ARSB: variants seen among roughly 807,000 people sequenced by gnomAD.
ARSB encodes arylsulfatase B, also known as N-acetylgalactosamine-4-sulfatase.
ARSB carries 41 observed loss-of-function variants against 50.9 expected under a neutral mutation model. The ratio of observed to expected loss-of-function variants is 0.81; its 90% CI spans 0.63 to 1.04. The LOEUF (loss-of-function observed/expected upper bound fraction) is 1.04. Ranked by LOEUF, ARSB falls within the 50% of genes least tolerant of loss-of-function variation. The pLI, the probability that ARSB is intolerant of heterozygous loss-of-function variation, is 0.00. For synonymous variants in ARSB, 269 were observed against 284.8 expected, an observed-to-expected ratio of 0.94 and a Z score of 0.56; for missense variants, 672 against 693.3, an observed-to-expected ratio of 0.97 and a Z score of 0.35.
chr5:78,943,198 G>C (rs370585903), intron 4 of ARSB, among the ~76,000 whole-genome samples: 6 of 152,178 alleles, frequency 3.9e-5, no homozygotes, highest in East Asian at 3.8e-4. Context: ...TGCATCTCCT[G>C]AATACAGCAT....
chr5:78,814,606 T>C (rs564472233), intron 6 of ARSB, among the ~76,000 whole-genome samples: 1 of 150,926 alleles, frequency 6.6e-6, no homozygotes, highest in South Asian at 2.1e-4. Context: ...ATGTCACTGG[T>C]TCATCATTTT....
intron 6 of ARSB, chr5:78,816,931 T>G: frequency 4.1e-6 from 1 of 244,440 alleles, no homozygotes; most frequent in Non-Finnish European, 6.6e-6. Flanking sequence ...TTCAGCCCTC[T>G]GAGACCCTAA....
chr5:78,802,694 G>A (rs544142470), intron 6 of ARSB, among the ~76,000 whole-genome samples: 1 of 152,298 alleles, frequency 6.6e-6, no homozygotes, highest in Non-Finnish European at 1.5e-5. Flanking sequence ...AGAATGAAGA[G>A]CACTCAAGTT....
chr5:78,944,849 T>C (rs1399316604), intron 4 of ARSB, among the ~76,000 whole-genome samples: 1 of 152,182 alleles, frequency 6.6e-6, no homozygotes, highest in Non-Finnish European at 1.5e-5. Context: ...CTGCTGCCTT[T>C]TGTTCAGCTA....
intron 4 of ARSB, among the ~76,000 whole-genome samples, chr5:78,945,288 C>T (rs1751166144): frequency 6.6e-6 from 1 of 152,202 alleles, no homozygotes; most frequent in Non-Finnish European, 1.5e-5. Flanking sequence ...CATTGTCCTG[C>T]ACCCACTGTC....
chr5:78,905,344 G>GGTTTTTTTT (rs764047687), intron 4 of ARSB, among the ~76,000 whole-genome samples: 8 of 130,544 alleles, frequency 6.1e-5, no homozygotes, highest in Non-Finnish European at 1.1e-4. Context: ...GTATTTTCCT[G>GGTTTTTTTT]TTTTTTTTTT....
intron 4 of ARSB, among the ~76,000 whole-genome samples, chr5:78,926,363 T>C (rs1437450234): frequency 6.6e-6 from 1 of 152,150 alleles, no homozygotes; most frequent in Non-Finnish European, 1.5e-5. Context: ...GGTATGATCG[T>C]GGTTCCTGTC....
At position 78,964,596 on chromosome 5, in the gene ARSB, C is replaced by G. The variant is rs768312895; in HGVS notation, c.510G>C (p.Leu170=). The G allele has an allele frequency of 3.7e-5, 59 of 1,613,242 alleles. No individual in the cohort carries two copies. The highest frequency in any genetic ancestry group is 1.7e-5 in the Admixed American group (1 of 59,992). ...CATGGGAATAATAATCTTCACTACCCAGGAGATATCCTGCAAGAATGGAAG... is the reference window on the plus strand; with the variant it reads ...CATGGGAATAATAATCTTCACTACCGAGGAGATATCCTGCAAGAATGGAAG... ...RGFDTYFGYL[L]GSEDYYSHER... Residue 170 remains leucine (L), a synonymous_variant, in exon 3 of 8, where the codon CTG becomes CTC. Coordinates refer to ENST00000264914, the MANE Select transcript of ARSB (RefSeq NM_000046.5).
intron 6 of ARSB, among the ~76,000 whole-genome samples, chr5:78,828,801 G>A (rs1400506098): frequency 1.3e-5 from 2 of 152,160 alleles, no homozygotes; most frequent in African/African-American, 4.8e-5. Flanking sequence ...TAGGTTACAC[G>A]GCAAAGGGGC....
intron 6 of ARSB, among the ~76,000 whole-genome samples, chr5:78,828,215 A>G (rs945395667): frequency 6.6e-6 from 1 of 151,344 alleles, no homozygotes; most frequent in African/African-American, 2.5e-5. Flanking sequence ...GTTTAGGGTG[A>G]TTTTTTTTGT....
At chr5:78,816,702 G>T (rs1386310687) in intron 6 of ARSB, among the ~76,000 whole-genome samples, 1 of 152,212 alleles carries the variant, frequency 6.6e-6, no homozygotes, top group Non-Finnish European at 1.5e-5. Flanking sequence ...CTAATTGTGA[G>T]AGGGATTCAA....
intron 4 of ARSB, 128 bp downstream of exon 4, chr5:78,955,167 C>G: frequency 1.1e-6 from 1 of 874,078 alleles, no homozygotes; most frequent in Non-Finnish European, 1.9e-6. Context: ...ATTACCATGT[C>G]TCCACTATTG....
intron 1 of ARSB, among the ~76,000 whole-genome samples, chr5:78,969,873 C>A (rs570247102): frequency 1.3e-5 from 2 of 152,352 alleles, no homozygotes; most frequent in South Asian, 4.1e-4. Flanking sequence ...CCTGCCTTGG[C>A]CTCCCAATGT....
chr5:78,937,914 T>C (rs1414102128), intron 4 of ARSB, among the ~76,000 whole-genome samples: 1 of 152,004 alleles, frequency 6.6e-6, no homozygotes, highest in Non-Finnish European at 1.5e-5. Flanking sequence ...ATTTCCAGGG[T>C]CACAGAGAAG....
chr5:78,857,419 G>A (rs1426922500), intron 5 of ARSB, among the ~76,000 whole-genome samples: 1 of 152,102 alleles, frequency 6.6e-6, no homozygotes, highest in Non-Finnish European at 1.5e-5. Context: ...TTAGCTGCAT[G>A]AGCTATACTG....
At chr5:78,782,448 A>AT in intron 6 of ARSB, among the ~76,000 whole-genome samples, 1 of 152,366 alleles carries the variant, frequency 6.6e-6, no homozygotes, top group African/African-American at 2.4e-5. Context: ...ACAAAGACTT[A>AT]TTTTTTAACA....
intron 6 of ARSB, among the ~76,000 whole-genome samples, chr5:78,809,393 G>A (rs1223396813): frequency 6.6e-6 from 1 of 152,258 alleles, no homozygotes; most frequent in Non-Finnish European, 1.5e-5. Context: ...GCACATTGGT[G>A]GTGTAGGTGT....
chr5:78,871,536 G>A (rs1297190337), intron 5 of ARSB, among the ~76,000 whole-genome samples: 2 of 149,968 alleles, frequency 1.3e-5, no homozygotes, highest in African/African-American at 4.9e-5. Flanking sequence ...TCTGATCTTT[G>A]ACAAACCTGA....
At chr5:78,955,092 T>G (rs1580121170) in intron 4 of ARSB, among the ~76,000 whole-genome samples, 1 of 152,226 alleles carries the variant, frequency 6.6e-6, no homozygotes. Flanking sequence ...CCAGAATATT[T>G]TGATATCTGA....
Sources: gnomAD v4.1 joint callset for allele counts (sites outside exome capture counted in the v4.1 genomes callset) on GRCh38, gnomAD v4.1.1 for gene constraint, MANE v1.5 for transcripts, NCBI Gene and HGNC (gene_info 2026-07-23, HGNC 2026-07-21) for gene names.